The following TAX1BP1 variants were observed in gnomAD, a reference collection of about 807,000 sequenced individuals.
The protein encoded by TAX1BP1 is tax1-binding protein 1.
In TAX1BP1, 62 loss-of-function variants were observed where a neutral mutation model predicts 97.7. The ratio of observed to expected loss-of-function variants is 0.63; its 90% CI spans 0.52 to 0.78. The LOEUF (loss-of-function observed/expected upper bound fraction) is 0.78, where lower values mean the gene tolerates loss of function less well. TAX1BP1 is among the 30% of genes least tolerant of loss of function. TAX1BP1 has a pLI of 0.00. For missense variants in TAX1BP1, 867 were observed against 916.1 expected, an observed-to-expected ratio of 0.95 and a Z score of 0.69; for synonymous variants, 340 against 304.2, an observed-to-expected ratio of 1.12 and a Z score of -1.23.
chr7:27,773,603 C>T (rs1300760299), intron 5 of TAX1BP1, among the ~76,000 whole-genome samples: 2 of 152,036 alleles, frequency 1.3e-5, no homozygotes, highest in Non-Finnish European at 2.9e-5. Flanking sequence ...TTTCAAGGTT[C>T]ATCCATGTTG....
chr7:27,809,928 C>T (rs1163967384), intron 13 of TAX1BP1, among the ~76,000 whole-genome samples: 6 of 150,640 alleles, frequency 4.0e-5, no homozygotes, highest in East Asian at 1.9e-4. Context: ...TTTTGGGAGA[C>T]GGAGAATCTT....
At chr7:27,779,768 A>G (rs1462677930) in intron 5 of TAX1BP1, among the ~76,000 whole-genome samples, 1 of 152,184 alleles carries the variant, frequency 6.6e-6, no homozygotes, top group African/African-American at 2.4e-5. Flanking sequence ...TTTGCTTTGC[A>G]TGATTATTCG....
At chr7:27,769,563 GTTCT>G in intron 4 of TAX1BP1, 109 bp from the exon 5 acceptor site, 3 of 861,338 alleles carry the variant, frequency 3.5e-6, no homozygotes, top group Non-Finnish European at 5.3e-6. Context: ...GAATGTAAGA[GTTCT>G]TTCTGTGAAT....
intron 1 of TAX1BP1, among the ~76,000 whole-genome samples, chr7:27,741,140 ATGTTAGGC>A (rs1055120516): frequency 3.3e-5 from 5 of 152,220 alleles, no homozygotes; most frequent in African/African-American, 1.2e-4. Context: ...AATTGCTATT[ATGTTAGGC>A]TTTAGATGGG....
chr7:27,760,085 C>A (rs7783426), intron 3 of TAX1BP1, among the ~76,000 whole-genome samples: 6,220 of 152,044 alleles, frequency 0.041, 392 homozygotes, highest in African/African-American at 0.14. Flanking sequence ...AATTCCTGAC[C>A]TCAGGTGATC....
At position 27,758,091 on chromosome 7, in the gene TAX1BP1, T is replaced by A; in HGVS notation, c.223T>A (p.Tyr75Asn). 1 of 1,612,674 alleles carries A rather than the reference T, an allele frequency of 6.2e-7. No individual in the cohort carries two copies. The highest frequency in any genetic ancestry group is 8.5e-7 in the Non-Finnish European group (1 of 1,179,286). Residue 75 changes from tyrosine (Y) to asparagine (N), a missense_variant, in exon 3 of 17, where the codon TAT becomes AAT. Physicochemically the swap from Tyr to Asn is moderately radical, Grantham distance 143. Around this residue, in one of 3 missense-constraint regions of TAX1BP1, gnomAD observed 822 missense variants for 851.4 expected, o/e 0.97. Transcript: ENST00000396319. ...TFLWSPMPEH[Y>N]VEGSTVNCVL... ...TTTATGGTCCCCTATGCCTGAACATTATGTGGAAGGATCAACAGTCAATTG... is the reference window on the plus strand; with the variant it reads ...TTTATGGTCCCCTATGCCTGAACATAATGTGGAAGGATCAACAGTCAATTG...
chr7:27,814,309 G>A (rs1790679746), intron 13 of TAX1BP1, among the ~76,000 whole-genome samples: 1 of 152,090 alleles, frequency 6.6e-6, no homozygotes, highest in Non-Finnish European at 1.5e-5. Context: ...ACAGGCATAA[G>A]CCATCATGTC....
intron 15 of TAX1BP1, among the ~76,000 whole-genome samples, chr7:27,822,555 G>A (rs1478015614): frequency 6.6e-6 from 1 of 152,158 alleles, no homozygotes; most frequent in Non-Finnish European, 1.5e-5. Context: ...CTGTCTTTGT[G>A]AAATGGTTCA....
chr7:27,782,080 C>T (rs1361262428), intron 5 of TAX1BP1, among the ~76,000 whole-genome samples: 2 of 152,070 alleles, frequency 1.3e-5, no homozygotes, highest in Admixed American at 6.6e-5. Context: ...CTCACTGTAA[C>T]ATTTTCACTC....
chr7:27,825,294 G>GT (rs1791136732), intron 15 of TAX1BP1, among the ~76,000 whole-genome samples: 1 of 148,806 alleles, frequency 6.7e-6, no homozygotes, highest in Non-Finnish European at 1.5e-5. Context: ...CCAAATTAAA[G>GT]TATTTTTAAT....
At chr7:27,791,907 TA>T in intron 8 of TAX1BP1, 98 bp from the exon 9 acceptor site, 1 of 1,059,718 alleles carries the variant, frequency 9.4e-7, no homozygotes, top group Non-Finnish European at 1.4e-6. Flanking sequence ...AACCAATATC[TA>T]AAATTTTGGC....
chr7:27,803,147 G>T, intron 13 of TAX1BP1: 1 of 1,547,980 alleles, frequency 6.5e-7, no homozygotes, highest in Non-Finnish European at 8.7e-7. Context: ...TAAGTGGTCT[G>T]ATTTCACATT....
intron 8 of TAX1BP1, among the ~76,000 whole-genome samples, chr7:27,790,028 G>A (rs1789643231): frequency 6.6e-6 from 1 of 151,628 alleles, no homozygotes; most frequent in Admixed American, 6.6e-5. Context: ...TTGAGGTGAT[G>A]GTTATAAAAA....
chr7:27,774,140 G>A (rs999374652), intron 5 of TAX1BP1, among the ~76,000 whole-genome samples: 3 of 152,066 alleles, frequency 2.0e-5, no homozygotes, highest in African/African-American at 7.2e-5. Flanking sequence ...AAGTATCATA[G>A]GTATGGGAGT....
chr7:27,826,585 G>A (rs1033404672), intron 15 of TAX1BP1, among the ~76,000 whole-genome samples: 6 of 152,228 alleles, frequency 3.9e-5, no homozygotes, highest in African/African-American at 1.2e-4. Context: ...AGCAGCTAAC[G>A]GCTGCTGAGA....
rs990918162 is a variant in TAX1BP1, at chr7:27,827,934, C to G, written c.2168+114C>G. 6 of 795,686 alleles carry G rather than the reference C, an allele frequency of 7.5e-6. No individual in the cohort carries two copies. The African/African-American group carries it at 1.0e-4, about 14-fold the overall frequency. 49.3% of individuals were successfully genotyped at this position (795,686 alleles called of 1,614,324 possible). A position where few individuals can be genotyped will look rare whatever the true frequency, so the allele number is the denominator to read the frequency against. On this transcript the variant is annotated intron_variant, in intron 16 of 16. Coordinates refer to ENST00000396319, the MANE Select transcript of TAX1BP1 (RefSeq NM_006024.7). The stretch of plus-strand genomic sequence containing the variant: ...TGTGTAGGGCCTGGCCTAGCTGAAC[C>G]AGAAACACCAGGCGTAGGCCCAGCA...
chr7:27,751,226 CT>C (rs1281876789), intron 2 of TAX1BP1, among the ~76,000 whole-genome samples: 1 of 152,060 alleles, frequency 6.6e-6, no homozygotes, highest in Non-Finnish European at 1.5e-5. Flanking sequence ...CCTTTCCATC[CT>C]TTTTGCCAGC....
Position 27,804,647 on chromosome 7 carries a change from A to G in TAX1BP1, c.1764+4557A>G, listed in dbSNP as rs1377490064. Reference sequence around the variant, plus strand: ...ATTCACACATAAGTACTTAATAGCAAAAACTATTATGTACCATTAATAACA... The same window carrying G: ...ATTCACACATAAGTACTTAATAGCAGAAACTATTATGTACCATTAATAACA... On this transcript the variant is annotated intron_variant, in intron 13 of 16. Transcript: ENST00000396319. Among the ~76,000 whole-genome samples, 4 of 152,216 alleles carry G rather than the reference A, an allele frequency of 2.6e-5. No individual in the cohort carries two copies. The East Asian group carries it at 7.7e-4, about 29-fold the overall frequency.
In TAX1BP1 at chr7:27,785,263, T is replaced by C. The variant is rs755060245; in HGVS notation, c.713T>C (p.Ile238Thr). 2.4e-5 allele frequency: 38 copies of C among 1,613,318 alleles called. No homozygotes were observed. Among genetic ancestry groups the C allele is most frequent in the Non-Finnish European group, 2.9e-5 (34 of 1,179,650 alleles). The change falls in exon 6 of 17, where the codon ATT (isoleucine) becomes ACT (threonine). Residue 238 changes from isoleucine to threonine, a missense_variant. By Grantham distance (89) the Ile-to-Thr change is moderately conservative. Around this residue, in one of 3 missense-constraint regions of TAX1BP1, gnomAD observed 822 missense variants for 851.4 expected, o/e 0.97. Transcript: ENST00000396319. The stretch of plus-strand genomic sequence containing the variant: ...AAAGCCCATCAGCTTGAGGAAGATA[T>C]TGTGTCAGTAACACATAAAGCAATT... ...TSKAHQLEED[I>T]VSVTHKAIEK...
Sources: gnomAD v4.1 joint callset for allele counts (sites outside exome capture counted in the v4.1 genomes callset) on GRCh38, gnomAD v4.1.1 for gene constraint, gnomAD v4.1.1 regional missense constraint, MANE v1.5 for transcripts, NCBI Gene and HGNC (gene_info 2026-07-23, HGNC 2026-07-21) for gene names.